The following CD109 variants were observed in gnomAD, a reference collection of about 807,000 sequenced individuals.
CD109 encodes CD109 molecule.
In CD109, 149 loss-of-function variants were observed where a neutral mutation model predicts 165.8. The observed-to-expected ratio is 0.90, with a 90% CI of 0.79 to 1.03. The LOEUF (loss-of-function observed/expected upper bound fraction) is 1.03, where lower values mean the gene tolerates loss of function less well. Ranked by LOEUF, CD109 falls within the 50% of genes least tolerant of loss-of-function variation. CD109 has a pLI of 0.00. For synonymous variants in CD109, 585 were observed against 592.1 expected, an observed-to-expected ratio of 0.99 and a Z score of 0.18; for missense variants, 1,712 against 1,677.8, an observed-to-expected ratio of 1.02 and a Z score of -0.36.
At chr6:73,760,126 G>A (rs926336435) in intron 7 of CD109, among the ~76,000 whole-genome samples, 6 of 152,136 alleles carry the variant, frequency 3.9e-5, no homozygotes, top group Non-Finnish European at 8.8e-5. Flanking sequence ...AGGCTTTCTG[G>A]GCCGGGCGCA....
intron 2 of CD109, among the ~76,000 whole-genome samples, chr6:73,709,789 A>G (rs1771453765): frequency 6.6e-6 from 1 of 152,222 alleles, no homozygotes; most frequent in African/African-American, 2.4e-5. Context: ...GGTTCAACAT[A>G]TGAAAATCAA....
At chr6:73,805,488 G>A (rs1271720058) in intron 24 of CD109, among the ~76,000 whole-genome samples, 7 of 152,168 alleles carry the variant, frequency 4.6e-5, no homozygotes, top group Non-Finnish European at 1.0e-4. Context: ...CCAGGGACGG[G>A]CAGGAGACAG....
chr6:73,724,964 G>C (rs1464277325), intron 3 of CD109, among the ~76,000 whole-genome samples: 2 of 151,996 alleles, frequency 1.3e-5, no homozygotes, highest in Non-Finnish European at 2.9e-5. Context: ...ATTTTGGGGG[G>C]TTCATAGAGA....
In CD109 at chr6:73,782,718, T is replaced by C. The variant is rs1424685645; in HGVS notation, c.2068T>C (p.Phe690Leu). The change falls in exon 18 of 33, where the codon TTT (phenylalanine) becomes CTT (leucine). Residue 690 changes from phenylalanine (F) to leucine (L), a missense_variant. Transcript: ENST00000287097. Reference sequence around the variant, plus strand: ...TAGCAGTCCACATGTCCGAAAGCATTTTCCAGAGACTTGGATTTGGCTAGA... The same window carrying C: ...TAGCAGTCCACATGTCCGAAAGCATCTTCCAGAGACTTGGATTTGGCTAGA... ...LGSSPHVRKH[F>L]PETWIWLDTN... 1.2e-6 allele frequency: 2 copies of C among 1,613,900 alleles called. No homozygotes were observed. The highest frequency in any genetic ancestry group is 1.7e-6 in the Non-Finnish European group (2 of 1,179,922).
the CD109 span, among the ~76,000 whole-genome samples, chr6:73,687,368 CCT>C: frequency 6.6e-6 from 1 of 151,720 alleles, no homozygotes. Context: ...TTCTTTCCTT[CCT>C]CTTTCTTTCT....
chr6:73,681,607 C>CT, the CD109 span, among the ~76,000 whole-genome samples: 129 of 143,806 alleles, frequency 9.0e-4, no homozygotes, highest in East Asian at 2.6e-3. Flanking sequence ...ACTTCCCCCA[C>CT]TTTTTTTTTT....
chr6:73,681,344 G>GTGTA, the CD109 span, among the ~76,000 whole-genome samples: 1 of 151,968 alleles, frequency 6.6e-6, no homozygotes, highest in African/African-American at 2.4e-5. Flanking sequence ...GTGTGTGTGT[G>GTGTA]TGTGTGTGTG....
At chr6:73,750,866 A>G (rs151144441) in intron 5 of CD109, among the ~76,000 whole-genome samples, 1 of 152,080 alleles carries the variant, frequency 6.6e-6, no homozygotes, top group Non-Finnish European at 1.5e-5. Flanking sequence ...ATTCTTCCCT[A>G]CTCCTTGGAT....
the CD109 span, among the ~76,000 whole-genome samples, chr6:73,687,211 C>T: frequency 6.6e-6 from 1 of 151,946 alleles, no homozygotes; most frequent in South Asian, 2.1e-4. Context: ...ATTTGGTTAC[C>T]CAGTGATCAG....
At chr6:73,760,508 A>G (rs939772008) in intron 7 of CD109, among the ~76,000 whole-genome samples, 1 of 151,696 alleles carries the variant, frequency 6.6e-6, no homozygotes, top group Non-Finnish European at 1.5e-5. Flanking sequence ...AGAGGATAAA[A>G]TTAATACATA....
chr6:73,777,284 T>G (rs1214314589), intron 15 of CD109, among the ~76,000 whole-genome samples: 5 of 152,248 alleles, frequency 3.3e-5, no homozygotes, highest in South Asian at 2.1e-4. Flanking sequence ...AAAAAATTTT[T>G]TTTTTCTTGT....
In CD109 at chr6:73,765,925, A is replaced by T. The variant is rs768994086; in HGVS notation, c.1108-5A>T. The T allele has an allele frequency of 1.2e-6, 2 of 1,600,572 alleles. No individual in the cohort carries two copies. The highest frequency in any genetic ancestry group is 4.5e-5 in the East Asian group (2 of 44,816). ...GTTTTTAAGATGTTTTGTTTTGACCATTAGGTGAAGGTAACTCGTGCTGAT... is the reference window on the plus strand; with the variant it reads ...GTTTTTAAGATGTTTTGTTTTGACCTTTAGGTGAAGGTAACTCGTGCTGAT... On this transcript the variant is annotated splice_polypyrimidine_tract_variant and splice_region_variant and intron_variant, in intron 10 of 32. Coordinates refer to ENST00000287097, the MANE Select transcript of CD109 (RefSeq NM_133493.5).
chr6:73,734,730 C>A (rs866699751), intron 4 of CD109, among the ~76,000 whole-genome samples: 12 of 152,256 alleles, frequency 7.9e-5, no homozygotes, highest in African/African-American at 2.9e-4. Context: ...GTCATATCTC[C>A]ACTCTGGGAG....
At chr6:73,785,870 G>T (rs1027510413) in intron 20 of CD109, among the ~76,000 whole-genome samples, 5 of 145,482 alleles carry the variant, frequency 3.4e-5, no homozygotes, top group African/African-American at 1.3e-4. Context: ...TTTGAGACAT[G>T]GTCTTGCTCT....
At chr6:73,811,560 C>T (rs1000553076) in intron 28 of CD109, among the ~76,000 whole-genome samples, 3 of 152,156 alleles carry the variant, frequency 2.0e-5, no homozygotes, top group African/African-American at 7.2e-5. Flanking sequence ...GATCATGTTA[C>T]TAGTAACAGT....
At chr6:73,702,404 G>A (rs1032401945) in intron 2 of CD109, among the ~76,000 whole-genome samples, 1 of 152,144 alleles carries the variant, frequency 6.6e-6, no homozygotes, top group Non-Finnish European at 1.5e-5. Flanking sequence ...TCAGTCCCAT[G>A]GTCTTTATGA....
At chr6:73,822,559 G>A (rs547244306) in intron 32 of CD109, among the ~76,000 whole-genome samples, 82 of 152,326 alleles carry the variant, frequency 5.4e-4, no homozygotes, top group Non-Finnish European at 1.0e-3. Context: ...ACACTGTGGA[G>A]ACCCAATGAC....
chr6:73,703,784 G>A (rs1771163851), intron 2 of CD109, among the ~76,000 whole-genome samples: 1 of 152,050 alleles, frequency 6.6e-6, no homozygotes, highest in African/African-American at 2.4e-5. Flanking sequence ...TGGGTTAGAA[G>A]CTTCATAGAC....
chr6:73,813,374 T>C (rs1775816210), intron 29 of CD109, among the ~76,000 whole-genome samples: 1 of 152,152 alleles, frequency 6.6e-6, no homozygotes, highest in Non-Finnish European at 1.5e-5. Flanking sequence ...TGGAATTCAT[T>C]TTTGATAAAC....
Sources: gnomAD v4.1 joint callset for allele counts (sites outside exome capture counted in the v4.1 genomes callset) on GRCh38, gnomAD v4.1.1 for gene constraint, MANE v1.5 for transcripts, NCBI Gene and HGNC (gene_info 2026-07-23, HGNC 2026-07-21) for gene names.